Variants in DNAH9 observed in about 807,000 individuals in gnomAD.
DNAH9 encodes DNAH9 variant protein.
A neutral mutation model predicts 471.6 loss-of-function variants in DNAH9; 345 were observed. The ratio of observed to expected loss-of-function variants is 0.73; its 90% CI spans 0.67 to 0.80. The LOEUF is 0.80. DNAH9 is among the 30% of genes least tolerant of loss of function. The pLI, the probability that DNAH9 is intolerant of heterozygous loss-of-function variation, is 0.00. For synonymous variants in DNAH9, 2,093 were observed against 2,123.6 expected (o/e 0.99, Z 0.40); for missense variants, 5,407 against 5,609.2 (o/e 0.96, Z 1.15).
In DNAH9 at chr17:11,699,814, A is replaced by T; in HGVS notation, c.4956A>T (p.Thr1652=). The T allele has an allele frequency of 6.2e-7, 1 of 1,614,192 alleles. No individual in the cohort carries two copies. Among genetic ancestry groups the T allele is most frequent in the Non-Finnish European group, 8.5e-7 (1 of 1,180,006 alleles). ...QLDASGEPTK[T]SLGMYSKEEE... is the part of the protein sequence containing the mutation. ...ATGCCAGTGGGGAACCAACCAAGAC[A>T]AGCCTCGGCATGTACAGCAAAGAAG... is the stretch of plus-strand genomic sequence containing the variant. The change falls in exon 23 of 69, where the codon ACA becomes ACT. Residue 1652 remains threonine, a synonymous_variant. Coordinates refer to ENST00000262442, the MANE Select transcript of DNAH9 (RefSeq NM_001372.4).
chr17:11,696,179 A>T (rs757361224), intron 22 of DNAH9, among the ~76,000 whole-genome samples: 5 of 152,196 alleles, frequency 3.3e-5, no homozygotes, highest in Non-Finnish European at 5.9e-5. Flanking sequence ...ATTTACATTC[A>T]TGCATGTACA....
chr17:11,768,325 T>G, intron 36 of DNAH9, 128 bp from the exon 37 acceptor site: 1 of 959,594 alleles, frequency 1.0e-6, no homozygotes, highest in South Asian at 1.6e-5. Flanking sequence ...GGAGCTGGTC[T>G]AGCCGGCAGG....
At position 11,623,592 on chromosome 17, in the gene DNAH9, C is replaced by T. The variant is rs1479263171; in HGVS notation, c.1350+3811C>T. On this transcript the variant is annotated intron_variant, in intron 6 of 68. Transcript: ENST00000262442. This position sits in a 1 kb window ranked among gnomAD's most constrained non-coding sequence, Gnocchi z 4.1. ...AGTGGAACACAGGACTATCAGCTGT[C>T]CTCTGGCATATTTCATGTAGGCCTT... 6.6e-6 allele frequency among the ~76,000 whole-genome samples: 1 copy of T among 152,130 alleles called. No individual in the cohort carries two copies. Among genetic ancestry groups the T allele is most frequent in the East Asian group, 1.9e-4 (1 of 5,184 alleles).
intron 67 of DNAH9, among the ~76,000 whole-genome samples, chr17:11,945,537 C>CAAA (rs34040154): frequency 1.4e-3 from 142 of 102,356 alleles, no homozygotes; most frequent in Non-Finnish European, 2.5e-3. Context: ...GATTCCATCT[C>CAAA]AAAAAAAAAA....
intron 61 of DNAH9, among the ~76,000 whole-genome samples, chr17:11,918,634 G>A (rs768223043): frequency 4.6e-5 from 7 of 152,156 alleles, no homozygotes; most frequent in Admixed American, 1.3e-4. Flanking sequence ...TGTGGTGAGC[G>A]AAACTGATTT....
chr17:11,892,026 T>C lies in DNAH9; in HGVS notation c.11283+79T>C, dbSNP rs905009258. The C allele has an allele frequency of 2.0e-6, 3 of 1,499,980 alleles. No homozygotes were observed. The African/African-American group carries it at 4.2e-5, about 21-fold the overall frequency. The allele number at this position is 1,499,980 out of a possible 1,614,324, so 92.9% of individuals were successfully genotyped here. ...CAGCAGGTGTTAAGAAACTTTCTTC[T>C]TTGAACATCACTTTCCACAGCATGT... On this transcript the variant is annotated intron_variant, in intron 58 of 68. Coordinates refer to ENST00000262442, the MANE Select transcript of DNAH9 (RefSeq NM_001372.4). The surrounding 1 kb of genome is among the most constrained non-coding windows in gnomAD (Gnocchi z 4.3).
chr17:11,834,603 C>T, intron 48 of DNAH9, 35 bp from the exon 49 acceptor site: 2 of 1,611,248 alleles, frequency 1.2e-6, no homozygotes. Flanking sequence ...CCTCCAGTCA[C>T]AACTCCTGAT....
Position 11,937,315 on chromosome 17 carries a change from T to C in DNAH9, c.12490-37T>C, listed in dbSNP as rs372183103. 6.3e-7 allele frequency: 1 copy of C among 1,575,386 alleles called. No homozygotes were observed. On this transcript the variant is annotated intron_variant, in intron 65 of 68. Transcript: ENST00000262442. This position sits in a 1 kb window ranked among gnomAD's most constrained non-coding sequence, Gnocchi z 4.1. Reference sequence around the variant, plus strand: ...GGTGTGGGAGATGGGAGGTACGTCCTGGTTTCTTTTTAAGTGAGCTTGCCC... The same window carrying C: ...GGTGTGGGAGATGGGAGGTACGTCCCGGTTTCTTTTTAAGTGAGCTTGCCC...
At chr17:11,809,917 G>T (rs1969828977) in intron 44 of DNAH9, among the ~76,000 whole-genome samples, 1 of 152,074 alleles carries the variant, frequency 6.6e-6, no homozygotes, top group African/African-American at 2.4e-5. Context: ...TAACCTCTTT[G>T]CACAAAGCAG....
At chr17:11,759,814 G>A (rs1967588794) in intron 35 of DNAH9, among the ~76,000 whole-genome samples, 1 of 151,868 alleles carries the variant, frequency 6.6e-6, no homozygotes, top group Non-Finnish European at 1.5e-5. Context: ...AGCCTGCCAA[G>A]TAGCTGGGAC....
At chr17:11,654,350 C>T (rs1189798692) in intron 14 of DNAH9, among the ~76,000 whole-genome samples, 21 of 1,782 alleles carry the variant, frequency 0.012, 2 homozygotes, top group African/African-American at 0.015. Context: ...AGCGAGACTC[C>T]GTCTCAAAAA....
chr17:11,875,086 G>A lies in DNAH9; in HGVS notation c.10380G>A (p.Glu3460=), dbSNP rs766167997. The change falls in exon 53 of 69, where the codon GAG becomes GAA. Residue 3460 remains glutamate, a synonymous_variant. Coordinates refer to ENST00000262442, the MANE Select transcript of DNAH9 (RefSeq NM_001372.4). The stretch of plus-strand genomic sequence containing the variant: ...ATGCCACCATTCTCATCAACTGTGA[G>A]CGCTGGCCACTCATGGTTGACCCTC... ...VENATILINC[E]RWPLMVDPQL... is the part of the protein sequence containing the mutation. The A allele has an allele frequency of 2.5e-6, 4 of 1,614,172 alleles. No individual in the cohort carries two copies. The South Asian group carries it at 4.4e-5, about 18-fold the overall frequency.
At chr17:11,727,714 A>G (rs1485739999) in intron 27 of DNAH9, 104 bp from the exon 28 acceptor site, 2 of 737,912 alleles carry the variant, frequency 2.7e-6, no homozygotes, top group East Asian at 5.3e-5. Flanking sequence ...AGTGGTCTTT[A>G]GGGGGACTAG....
intron 49 of DNAH9, among the ~76,000 whole-genome samples, chr17:11,853,592 GA>G (rs545979282): frequency 1.1e-4 from 16 of 151,246 alleles, no homozygotes; most frequent in East Asian, 1.9e-4. Flanking sequence ...TTTAATTAAG[GA>G]AAAAAAAATT....
At chr17:11,752,999 A>T (rs368241668) in intron 33 of DNAH9, 39 bp downstream of exon 33, 1 of 1,485,458 alleles carries the variant, frequency 6.7e-7, no homozygotes, top group African/African-American at 1.4e-5. Flanking sequence ...ATTTCTAATC[A>T]CCTGTGAAAC....
chr17:11,645,197 C>T (rs1207741459), intron 11 of DNAH9, among the ~76,000 whole-genome samples: 3 of 152,214 alleles, frequency 2.0e-5, no homozygotes, highest in Non-Finnish European at 4.4e-5. Context: ...CTTGATTTCT[C>T]CTTCTGCCAT....
intron 35 of DNAH9, among the ~76,000 whole-genome samples, chr17:11,760,795 G>C (rs1967632855): frequency 6.6e-6 from 1 of 152,208 alleles, no homozygotes; most frequent in African/African-American, 2.4e-5. Flanking sequence ...TGGGATTACA[G>C]GCGTGAGCCG....
chr17:11,608,087 A>T, intron 1 of DNAH9, 42 bp from the exon 2 acceptor site: 1 of 1,457,092 alleles, frequency 6.9e-7, no homozygotes, highest in Non-Finnish European at 9.3e-7. Context: ...AGTTCTCAGA[A>T]TTGGAACACC....
intron 37 of DNAH9, 27 bp downstream of exon 37, chr17:11,768,653 G>T: frequency 6.2e-7 from 1 of 1,605,940 alleles, no homozygotes; most frequent in South Asian, 1.1e-5. Context: ...AGCCGAGGAC[G>T]TGCGTGCAGT....
Sources: gnomAD v4.1 joint callset for allele counts (sites outside exome capture counted in the v4.1 genomes callset) on GRCh38, gnomAD v4.1.1 for gene constraint, Gnocchi (gnomAD v3.1) non-coding constraint, MANE v1.5 for transcripts, NCBI Gene and HGNC (gene_info 2026-07-23, HGNC 2026-07-21) for gene names.